Variants in CPHXL observed in about 807,000 individuals in gnomAD.
CPHXL encodes the protein cytoplasmic polyadenylated homeobox like, also known as cytoplasmic polyadenylated homeobox-like protein.
At chr16:75,719,860 G>A (rs1242957110) in intron 1 of CPHXL, among the ~76,000 whole-genome samples, 1 of 152,010 alleles carries the variant, frequency 6.6e-6, no homozygotes, top group African/African-American at 2.4e-5. Context: ...CCCCAGTAGG[G>A]GCAGACTGAC....
chr16:75,722,228 A>G (rs911563917), intron 1 of CPHXL, among the ~76,000 whole-genome samples: 9 of 152,228 alleles, frequency 5.9e-5, no homozygotes, highest in Admixed American at 1.3e-4. Context: ...TTCAAAAGCT[A>G]GCAGAAGGCA....
intron 1 of CPHXL, among the ~76,000 whole-genome samples, chr16:75,725,960 A>C (rs1457271230): frequency 6.6e-6 from 1 of 151,866 alleles, no homozygotes; most frequent in Admixed American, 6.6e-5. Flanking sequence ...TCGATGACCT[A>C]AGTTTCCAAA....
At chr16:75,719,172 G>A (rs558538717) in intron 1 of CPHXL, among the ~76,000 whole-genome samples, 7 of 152,216 alleles carry the variant, frequency 4.6e-5, no homozygotes, top group South Asian at 2.1e-4. Context: ...AGCTCCCAGC[G>A]TGAGCAACAC....
intron 2 of CPHXL, among the ~76,000 whole-genome samples, chr16:75,717,499 C>T (rs1012364502): frequency 4.6e-5 from 7 of 152,230 alleles, no homozygotes; most frequent in African/African-American, 1.4e-4. Context: ...TAAACCATCT[C>T]TAGATGACTT....
At chr16:75,725,379 A>G (rs1005899686) in intron 1 of CPHXL, among the ~76,000 whole-genome samples, 42 of 151,586 alleles carry the variant, frequency 2.8e-4, no homozygotes, top group Middle Eastern at 3.4e-3. Flanking sequence ...ATCTCCGCCT[A>G]CTGGGTTCAA....
At chr16:75,718,218 A>T (rs1435533177) in intron 2 of CPHXL, 47 bp downstream of exon 2, 1 of 167,798 alleles carries the variant, frequency 6.0e-6, no homozygotes, top group African/African-American at 2.5e-5. Context: ...GACCTTGTCT[A>T]AAAAAAAAAA....
intron 2 of CPHXL, among the ~76,000 whole-genome samples, chr16:75,717,545 A>C (rs1462045897): frequency 6.6e-6 from 1 of 152,230 alleles, no homozygotes; most frequent in Non-Finnish European, 1.5e-5. Context: ...CAAATGCTAC[A>C]TAAATATTTC....
At chr16:75,722,823 C>G (rs1421111052) in intron 1 of CPHXL, among the ~76,000 whole-genome samples, 1 of 152,140 alleles carries the variant, frequency 6.6e-6, no homozygotes, top group African/African-American at 2.4e-5. Flanking sequence ...ACCAATATCC[C>G]TGATGAACAT....
In CPHXL at chr16:75,714,411, C is replaced by T. The variant is rs1034717358; in HGVS notation, c.1031G>A (p.Gly344Glu). 1.3e-5 allele frequency: 5 copies of T among 398,500 alleles called. No individual in the cohort carries two copies. The highest frequency in any genetic ancestry group is 4.1e-5 in the African/African-American group (2 of 48,622). The allele number at this position is 398,500 out of a possible 1,614,324, so 24.7% of individuals were successfully genotyped here. A position where few individuals can be genotyped will look rare whatever the true frequency, so the allele number is the denominator to read the frequency against. Residue 344 changes from glycine (G) to glutamate (E), a missense_variant, in exon 3 of 3, where the codon GGG (glycine) becomes GAG (glutamate). Transcript: ENST00000640559. ...LPMDSGPWDL[G>E]KQWSSAQSQL... ...TGACTGAGCCGAGGACCACTGCTTC[C>T]CTAGATCCCAAGGACCCGAGTCCAT... is the stretch of plus-strand genomic sequence containing the variant.
Position 75,714,462 on chromosome 16 carries a change from C to T in CPHXL, c.980G>A (p.Gly327Glu), listed in dbSNP as rs1170689840. 2.5e-6 allele frequency: 1 copy of T among 398,482 alleles called. No individual in the cohort carries two copies. The highest frequency in any genetic ancestry group is 4.4e-6 in the Non-Finnish European group (1 of 226,080). The allele number at this position is 398,482 out of a possible 1,614,324, so 24.7% of individuals were successfully genotyped here. ...QHQQPQNYLE[G>E]MMLQEQLPMD... ...TGGGAGCTGTTCCTGCAACATCATC[C>T]CCTCTAAGTAATTCTGAGGCTGTTG... The change falls in exon 3 of 3, where the codon GGG becomes GAG. Residue 327 changes from glycine (G) to glutamate (E), a missense_variant. Gly to Glu is a moderately conservative substitution (Grantham distance 98). Coordinates refer to ENST00000640559, the MANE Select transcript of CPHXL (RefSeq NM_001355613.1).
At chr16:75,717,303 A>G (rs1053986883) in intron 2 of CPHXL, among the ~76,000 whole-genome samples, 1 of 152,160 alleles carries the variant, frequency 6.6e-6, no homozygotes, top group African/African-American at 2.4e-5. Flanking sequence ...ACATAATACT[A>G]TTTTCTTATG....
At chr16:75,726,225 G>C (rs1317716323) in intron 1 of CPHXL, among the ~76,000 whole-genome samples, 193 bp downstream of exon 1, 1 of 152,086 alleles carries the variant, frequency 6.6e-6, no homozygotes, top group Non-Finnish European at 1.5e-5. Context: ...GGGACTCACG[G>C]CTGCCATTTT....
At chr16:75,725,669 G>T (rs1050894148) in intron 1 of CPHXL, among the ~76,000 whole-genome samples, 7 of 149,466 alleles carry the variant, frequency 4.7e-5, no homozygotes, top group South Asian at 2.2e-4. Flanking sequence ...AGCCAGGATG[G>T]TCTCAATATC....
At chr16:75,718,231 T>A (rs778989301) in intron 2 of CPHXL, 34 bp downstream of exon 2, 1 of 396,710 alleles carries the variant, frequency 2.5e-6, no homozygotes, top group South Asian at 1.3e-4. Flanking sequence ...AAAAAAAAAA[T>A]CTAGGAAATA....
At chr16:75,724,868 A>T (rs1959531541) in intron 1 of CPHXL, among the ~76,000 whole-genome samples, 1 of 152,252 alleles carries the variant, frequency 6.6e-6, no homozygotes, top group African/African-American at 2.4e-5. Context: ...AAGACTTGGA[A>T]CCAAGCCAAA....
chr16:75,725,521 C>G (rs1232679869), intron 1 of CPHXL, among the ~76,000 whole-genome samples: 1 of 151,182 alleles, frequency 6.6e-6, no homozygotes, highest in South Asian at 2.1e-4. Flanking sequence ...GGCACCATCT[C>G]GGCTCACTGC....
intron 1 of CPHXL, among the ~76,000 whole-genome samples, chr16:75,723,813 A>T (rs542108208): frequency 2.0e-5 from 3 of 152,282 alleles, no homozygotes; most frequent in Non-Finnish European, 4.4e-5. Flanking sequence ...AAGCCAAAAG[A>T]ACAAAGCTGG....
In CPHXL at chr16:75,718,204, G is replaced by C. The variant is rs1959421036; in HGVS notation, c.219+61C>G. On this transcript the variant is annotated intron_variant, in intron 2 of 2. Transcript: ENST00000640559. ...CTGTGCATCTGCCTGTGTGATAGGA[G>C]TGAGACCTTGTCTAAAAAAAAAAAA... is the stretch of plus-strand genomic sequence containing the variant. 1.0e-5 allele frequency: 4 copies of C among 397,148 alleles called. No individual in the cohort carries two copies. The East Asian group carries it at 1.4e-4, about 14-fold the overall frequency. 24.6% of individuals were successfully genotyped at this position (397,148 alleles called of 1,614,324 possible).
At position 75,718,933 on chromosome 16, in the gene CPHXL, T is replaced by C. The variant is rs117113520; in HGVS notation, c.26-475A>G. Among the ~76,000 whole-genome samples, 1,245 of 152,328 alleles carry C rather than the reference T, an allele frequency of 8.2e-3. 19 individuals carry two copies. Among genetic ancestry groups the C allele is most frequent in the Non-Finnish European group, 9.2e-3 (626 of 68,024 alleles). Reference sequence around the variant, plus strand: ...TCTATACTGATTGGAAGGCAGGACATGGGCTACTGAGGGAATGGAATCGGG... The same window carrying C: ...TCTATACTGATTGGAAGGCAGGACACGGGCTACTGAGGGAATGGAATCGGG... On this transcript the variant is annotated intron_variant, in intron 1 of 2. Transcript: ENST00000640559.
Sources: allele counts gnomAD v4.1 joint callset (sites outside exome capture counted in the v4.1 genomes callset), GRCh38; gene constraint gnomAD v4.1.1; transcripts MANE v1.5; gene names NCBI Gene and HGNC (gene_info 2026-07-23, HGNC 2026-07-21).